Variants in ULK4 observed in about 807,000 individuals in gnomAD.
ULK4 encodes the protein inactive serine/threonine-protein kinase ULK4.
Under a neutral mutation model 160.6 loss-of-function variants are expected in ULK4, and 133 were observed. The observed-to-expected ratio is 0.83, with a 90% CI of 0.72 to 0.96. The LOEUF (loss-of-function observed/expected upper bound fraction) is 0.96. Ranked by LOEUF, ULK4 falls within the 40% of genes least tolerant of loss-of-function variation. The pLI is 0.00. For missense variants in ULK4, 1,580 were observed against 1,499.5 expected (o/e 1.05, Z -0.89); for synonymous variants, 534 against 539.8 (o/e 0.99, Z 0.15).
Position 41,613,516 on chromosome 3 carries a change from G to GAA in ULK4, c.3120+2151_3120+2152dup, listed in dbSNP as rs5848607. On this transcript the variant is annotated intron_variant, in intron 31 of 36. Transcript: ENST00000301831. ...CTCAGTTTCAGAAATGTTAAAATCT[G>GAA]AAAAAAAAAAAATGTGCATCATAGA... is the stretch of plus-strand genomic sequence containing the variant. Among the ~76,000 whole-genome samples the GAA allele has an allele frequency of 4.8e-5, 7 of 145,084 alleles. No individual in the cohort carries two copies. The South Asian group carries it at 1.1e-3, about 23-fold the overall frequency.
At chr3:41,472,036 C>T (rs1193177537) in intron 32 of ULK4, among the ~76,000 whole-genome samples, 1 of 148,454 alleles carries the variant, frequency 6.7e-6, no homozygotes, top group African/African-American at 2.5e-5. Flanking sequence ...AAAAGCAATA[C>T]TAAAATAAAC....
chr3:41,642,549 A>G (rs1248881544), intron 30 of ULK4, among the ~76,000 whole-genome samples: 1 of 152,186 alleles, frequency 6.6e-6, no homozygotes, highest in Non-Finnish European at 1.5e-5. Flanking sequence ...ACAGTATTCC[A>G]TGGTGTATAT....
chr3:41,395,391 T>G (rs567883289), intron 35 of ULK4, among the ~76,000 whole-genome samples: 1 of 152,238 alleles, frequency 6.6e-6, no homozygotes, highest in South Asian at 2.1e-4. Flanking sequence ...TGTCCATCAA[T>G]GGATAACACA....
At chr3:41,819,782 T>C (rs2041084774) in intron 18 of ULK4, among the ~76,000 whole-genome samples, 1 of 152,170 alleles carries the variant, frequency 6.6e-6, no homozygotes, top group Admixed American at 6.5e-5. Context: ...AATGACAATA[T>C]GATCCAATAT....
At chr3:41,577,236 G>A (rs1039812365) in intron 31 of ULK4, among the ~76,000 whole-genome samples, 1 of 152,192 alleles carries the variant, frequency 6.6e-6, no homozygotes, top group Non-Finnish European at 1.5e-5. Flanking sequence ...GCCTTGGCCT[G>A]CCCCAAACCA....
chr3:41,838,125 A>G (rs1270560394), intron 17 of ULK4, among the ~76,000 whole-genome samples: 2 of 152,238 alleles, frequency 1.3e-5, no homozygotes, highest in Non-Finnish European at 2.9e-5. Flanking sequence ...AAAAACAGCA[A>G]ACTGTCACCA....
At chr3:41,725,305 A>T (rs1274193680) in intron 22 of ULK4, among the ~76,000 whole-genome samples, 1 of 152,208 alleles carries the variant, frequency 6.6e-6, no homozygotes, top group African/African-American at 2.4e-5. Flanking sequence ...GCTTAGGAGT[A>T]AAAGTTTTTA....
chr3:41,819,062 T>A (rs1559577315), intron 19 of ULK4, among the ~76,000 whole-genome samples: 1 of 152,254 alleles, frequency 6.6e-6, no homozygotes, highest in South Asian at 2.1e-4. Flanking sequence ...ATGGGTTGTC[T>A]CAGGCTCACA....
At position 41,938,264 on chromosome 3, in the gene ULK4, C is replaced by A. The variant is rs1036129818; in HGVS notation, c.139-67G>T. On this transcript the variant is annotated intron_variant, in intron 2 of 36. Coordinates refer to ENST00000301831, the MANE Select transcript of ULK4 (RefSeq NM_017886.4). ...AAACTCTTACATCTACTGAGAAAAA[C>A]CTAAATATACAATTGGTAAATGGAT... is the stretch of plus-strand genomic sequence containing the variant. 14 of 1,173,970 alleles carry A rather than the reference C, an allele frequency of 1.2e-5. No individual in the cohort carries two copies. In the South Asian group the frequency reaches 1.5e-4, roughly 12 times the overall value. 72.7% of individuals were successfully genotyped at this position (1,173,970 alleles called of 1,614,324 possible). A position where few individuals can be genotyped will look rare whatever the true frequency, so the allele number is the denominator to read the frequency against.
At chr3:41,398,553 ATTTTTTTT>A (rs11321558) in intron 34 of ULK4, among the ~76,000 whole-genome samples, 1 of 130,648 alleles carries the variant, frequency 7.7e-6, no homozygotes, top group East Asian at 2.3e-4. Context: ...TGCCCAGCTA[ATTTTTTTT>A]TTTTTTTTTT....
At chr3:41,262,587 C>T (rs143803126) in intron 35 of ULK4, among the ~76,000 whole-genome samples, 3 of 152,280 alleles carry the variant, frequency 2.0e-5, no homozygotes, top group Non-Finnish European at 4.4e-5. Flanking sequence ...CTCTCTGTAC[C>T]TGTGGGCACC....
intron 21 of ULK4, among the ~76,000 whole-genome samples, chr3:41,780,260 A>G (rs1168224715): frequency 6.6e-6 from 1 of 152,112 alleles, no homozygotes; most frequent in Non-Finnish European, 1.5e-5. Flanking sequence ...GTGAGCCAAG[A>G]TCACACCACT....
intron 34 of ULK4, among the ~76,000 whole-genome samples, 199 bp downstream of exon 34, chr3:41,455,298 T>A (rs532351005): frequency 1.3e-5 from 2 of 152,216 alleles, no homozygotes; most frequent in South Asian, 4.1e-4. Flanking sequence ...TACCTAAATA[T>A]CTATTTAAAT....
In ULK4 at chr3:41,463,213, G is replaced by T; in HGVS notation, c.3267C>A (p.Ala1089=). 6.2e-7 allele frequency: 1 copy of T among 1,613,514 alleles called. No individual in the cohort carries two copies. The highest frequency in any genetic ancestry group is 8.5e-7 in the Non-Finnish European group (1 of 1,179,642). The change falls in exon 33 of 37, where the codon GCC becomes GCA. Residue 1089 remains alanine (A), a synonymous_variant. Coordinates refer to ENST00000301831, the MANE Select transcript of ULK4 (RefSeq NM_017886.4). ...SHICNLLTET[A]TLCLDVDNKN... ...TATTGTCCACATCCAAGCACAGTGTGGCAGTTTCAGTGAGCAGGTTACAGA... is the reference window on the plus strand; with the variant it reads ...TATTGTCCACATCCAAGCACAGTGTTGCAGTTTCAGTGAGCAGGTTACAGA...
In ULK4 at chr3:41,295,210, T is replaced by C. The variant is rs548653310; in HGVS notation, c.3679-45636A>G. On this transcript the variant is annotated intron_variant, in intron 35 of 36. Transcript: ENST00000301831. ...AAACAATGGAGCAAACATAGTTTTTTCAAGAAATAGTGTTGGAACAACTGG... is the reference window on the plus strand; with the variant it reads ...AAACAATGGAGCAAACATAGTTTTTCCAAGAAATAGTGTTGGAACAACTGG... Among the ~76,000 whole-genome samples the C allele has an allele frequency of 2.9e-5, 4 of 136,742 alleles. No individual in the cohort carries two copies. The East Asian group carries it at 7.8e-4, about 27-fold the overall frequency. The allele number at this position is 136,742 out of a possible 152,430, so 89.7% of individuals were successfully genotyped here. A position where few individuals can be genotyped will look rare whatever the true frequency, so the allele number is the denominator to read the frequency against.
chr3:41,301,688 A>C (rs2125711193), intron 35 of ULK4, among the ~76,000 whole-genome samples: 1 of 152,332 alleles, frequency 6.6e-6, no homozygotes, highest in Non-Finnish European at 1.5e-5. Context: ...TACAATGAAG[A>C]AACATAAAAA....
intron 2 of ULK4, among the ~76,000 whole-genome samples, chr3:41,945,413 C>T (rs993370261): frequency 1.3e-5 from 2 of 152,156 alleles, no homozygotes; most frequent in Non-Finnish European, 2.9e-5. Context: ...GCCTGAGGAA[C>T]AGGAGAACAT....
chr3:41,792,638 C>T (rs1029557331), intron 20 of ULK4, among the ~76,000 whole-genome samples: 4 of 151,934 alleles, frequency 2.6e-5, no homozygotes, highest in Non-Finnish European at 5.9e-5. Context: ...TTCTGGGCAA[C>T]TGGAATGGAT....
chr3:41,473,976 A>C (rs2084066716), intron 32 of ULK4, among the ~76,000 whole-genome samples: 1 of 152,202 alleles, frequency 6.6e-6, no homozygotes, highest in Non-Finnish European at 1.5e-5. Context: ...AGCATTTTTC[A>C]TAAAAATAGG....
Sources: gnomAD v4.1 joint callset for allele counts (sites outside exome capture counted in the v4.1 genomes callset) on GRCh38, gnomAD v4.1.1 for gene constraint, MANE v1.5 for transcripts, NCBI Gene and HGNC (gene_info 2026-07-23, HGNC 2026-07-21) for gene names.